Variants in BCAS3 observed in about 807,000 individuals in gnomAD.
The protein encoded by BCAS3 is BCAS3 microtubule associated cell migration factor.
Under a neutral mutation model 116.1 loss-of-function variants are expected in BCAS3, and 53 were observed. The ratio of observed to expected loss-of-function variants is 0.46; its 90% CI spans 0.37 to 0.57. The LOEUF is 0.57. Among genes scored for constraint, BCAS3 ranks in the 20% least tolerant of loss-of-function variants. The pLI, the probability that BCAS3 is intolerant of heterozygous loss-of-function variation, is 0.00. For missense variants in BCAS3, 917 were observed against 1,165.4 expected, an observed-to-expected ratio of 0.79 and a Z score of 3.10; for synonymous variants, 391 against 408.2, an observed-to-expected ratio of 0.96 and a Z score of 0.51.
In BCAS3 at chr17:61,344,133, A is replaced by G. The variant is rs1024250399; in HGVS notation, c.2426-24194A>G. The stretch of plus-strand genomic sequence containing the variant: ...CGGCTAGCCCCCAATCCCAGAGAGC[A>G]TGCAGCTGAGTCTAAGAGAGGCTTC... On this transcript the variant is annotated intron_variant, in intron 22 of 23. Coordinates refer to ENST00000407086, the MANE Select transcript of BCAS3 (RefSeq NM_017679.5). The surrounding 1 kb of genome is among the most constrained non-coding windows in gnomAD (Gnocchi z 4.1). Among the ~76,000 whole-genome samples, 71 of 152,300 alleles carry G rather than the reference A, an allele frequency of 4.7e-4. No individual in the cohort carries two copies. Among genetic ancestry groups the G allele is most frequent in the South Asian group, 2.5e-3 (12 of 4,826 alleles).
Position 61,021,234 on chromosome 17 carries a change from A to G in BCAS3, c.1637+5333A>G, listed in dbSNP as rs932120716. Among the ~76,000 whole-genome samples, 1 of 151,870 alleles carries G rather than the reference A, an allele frequency of 6.6e-6. No individual in the cohort carries two copies. Among genetic ancestry groups the G allele is most frequent in the Admixed American group, 6.6e-5 (1 of 15,240 alleles). On this transcript the variant is annotated intron_variant, in intron 16 of 23. Coordinates refer to ENST00000407086, the MANE Select transcript of BCAS3 (RefSeq NM_017679.5). The surrounding 1 kb of genome is among the most constrained non-coding windows in gnomAD (Gnocchi z 4.6). Reference sequence around the variant, plus strand: ...GCCACCATGCCTGTCTAAGTTTTGTATTTTTTGTAGAGATTGGGTTTCTCT... The same window carrying G: ...GCCACCATGCCTGTCTAAGTTTTGTGTTTTTTGTAGAGATTGGGTTTCTCT...
chr17:60,715,660 G>A (rs2038512769), intron 5 of BCAS3, among the ~76,000 whole-genome samples: 1 of 149,954 alleles, frequency 6.7e-6, no homozygotes. Context: ...GTTAATTTTT[G>A]TATTTTTAGT....
At position 61,282,361 on chromosome 17, in the gene BCAS3, G is replaced by A. The variant is rs578065893; in HGVS notation, c.2426-85966G>A. Among the ~76,000 whole-genome samples, 1 of 152,168 alleles carries A rather than the reference G, an allele frequency of 6.6e-6. No individual in the cohort carries two copies. Among genetic ancestry groups the A allele is most frequent in the Non-Finnish European group, 1.5e-5 (1 of 68,028 alleles). ...GAGCTGAATGAGAAGGGGCAATTGG[G>A]CCTCTGGTGAAAGGTTCTCCCCAAG... On this transcript the variant is annotated intron_variant, in intron 22 of 23. Coordinates refer to ENST00000407086, the MANE Select transcript of BCAS3 (RefSeq NM_017679.5). The surrounding 1 kb of genome is among the most constrained non-coding windows in gnomAD (Gnocchi z 5.9).
At chr17:60,792,834 C>G (rs2046894552) in intron 6 of BCAS3, among the ~76,000 whole-genome samples, 1 of 152,148 alleles carries the variant, frequency 6.6e-6, no homozygotes, top group African/African-American at 2.4e-5. Flanking sequence ...AAGTAAACCC[C>G]TTTTCTTTAG....
chr17:60,969,708 A>G (rs753975090), intron 14 of BCAS3, among the ~76,000 whole-genome samples: 11 of 152,350 alleles, frequency 7.2e-5, no homozygotes, highest in Admixed American at 2.6e-4. Context: ...GATTAAGTAC[A>G]ACAAAAACCA....
In BCAS3 at chr17:61,020,956, A is replaced by T. The variant is rs1322655849; in HGVS notation, c.1637+5055A>T. Among the ~76,000 whole-genome samples, 5 of 152,186 alleles carry T rather than the reference A, an allele frequency of 3.3e-5. No individual in the cohort carries two copies. The highest frequency in any genetic ancestry group is 5.9e-5 in the Non-Finnish European group (4 of 68,014). ...TAGGTGGAGCACTTTTTGTGAAGTA[A>T]ACATGGGATGATTTGCTCTCTCGTA... On this transcript the variant is annotated intron_variant, in intron 16 of 23. Coordinates refer to ENST00000407086, the MANE Select transcript of BCAS3 (RefSeq NM_017679.5). The surrounding 1 kb of genome is among the most constrained non-coding windows in gnomAD (Gnocchi z 4.5).
intron 15 of BCAS3, among the ~76,000 whole-genome samples, chr17:61,006,026 C>T (rs978941565): frequency 2.0e-5 from 3 of 151,766 alleles, no homozygotes; most frequent in African/African-American, 7.3e-5. Flanking sequence ...CAATTCCCAC[C>T]TATGAGTGAG....
intron 23 of BCAS3, among the ~76,000 whole-genome samples, chr17:61,371,158 C>T (rs1484668527): frequency 2.0e-5 from 3 of 152,212 alleles, no homozygotes; most frequent in Non-Finnish European, 2.9e-5. Flanking sequence ...CAACTGAAAA[C>T]TTGCTCTCAT....
intron 5 of BCAS3, chr17:60,727,556 C>G: frequency 8.9e-7 from 1 of 1,122,594 alleles, no homozygotes. Flanking sequence ...TCGCAAAGCT[C>G]TCGCCTGACA....
intron 15 of BCAS3, among the ~76,000 whole-genome samples, chr17:61,002,070 T>C (rs2064279996): frequency 6.6e-6 from 1 of 152,134 alleles, no homozygotes; most frequent in Admixed American, 6.5e-5. Context: ...AAGGTATAGA[T>C]AACGTAGTTT....
intron 13 of BCAS3, among the ~76,000 whole-genome samples, chr17:60,933,158 C>A (rs927867647): frequency 6.6e-6 from 1 of 150,988 alleles, no homozygotes; most frequent in African/African-American, 2.4e-5. Context: ...CAGAGTGAGA[C>A]TCCGTCTCAA....
intron 22 of BCAS3, among the ~76,000 whole-genome samples, chr17:61,201,964 T>C (rs1385390711): frequency 1.3e-5 from 2 of 151,616 alleles, no homozygotes; most frequent in African/African-American, 4.8e-5. Flanking sequence ...TTCACCATGT[T>C]GATGAAGCTG....
intron 22 of BCAS3, among the ~76,000 whole-genome samples, chr17:61,253,581 A>G (rs2048535097): frequency 6.6e-6 from 1 of 151,828 alleles, no homozygotes; most frequent in South Asian, 2.1e-4. Context: ...CGGCCTAGGC[A>G]TGGCGTATGA....
At chr17:60,909,551 A>G (rs886952849) in intron 11 of BCAS3, among the ~76,000 whole-genome samples, 18 of 152,070 alleles carry the variant, frequency 1.2e-4, no homozygotes, top group Non-Finnish European at 1.9e-4. Context: ...TGATGTGTCT[A>G]AGTATTCTAG....
chr17:60,729,417 A>G (rs2040239602), intron 5 of BCAS3, among the ~76,000 whole-genome samples: 1 of 151,374 alleles, frequency 6.6e-6, no homozygotes, highest in Non-Finnish European at 1.5e-5. Flanking sequence ...CCTCCAAAAC[A>G]AAAAGAAATT....
chr17:60,959,187 G>T (rs563069348), intron 14 of BCAS3, among the ~76,000 whole-genome samples: 1 of 152,104 alleles, frequency 6.6e-6, no homozygotes, highest in African/African-American at 2.4e-5. Context: ...CATGTCTGTA[G>T]TCCCACCTCC....
intron 7 of BCAS3, among the ~76,000 whole-genome samples, chr17:60,835,368 T>G (rs999947222): frequency 1.3e-5 from 2 of 152,052 alleles, no homozygotes; most frequent in Admixed American, 1.3e-4. Context: ...TGTTAGTTTT[T>G]TCTTTGGTTA....
At chr17:61,153,186 G>A (rs898665055) in intron 22 of BCAS3, among the ~76,000 whole-genome samples, 3 of 152,138 alleles carry the variant, frequency 2.0e-5, no homozygotes, top group Non-Finnish European at 4.4e-5. Flanking sequence ...CACCTTTTAT[G>A]AGAGTGTTTT....
chr17:60,741,050 C>A (rs188691782), intron 5 of BCAS3, among the ~76,000 whole-genome samples: 1 of 152,196 alleles, frequency 6.6e-6, no homozygotes, highest in African/African-American at 2.4e-5. Flanking sequence ...CACATTGAAC[C>A]TCTAGAAATT....
Sources: allele counts gnomAD v4.1 joint callset (sites outside exome capture counted in the v4.1 genomes callset), GRCh38; gene constraint gnomAD v4.1.1; non-coding constraint Gnocchi (gnomAD v3.1); transcripts MANE v1.5; gene names NCBI Gene and HGNC (gene_info 2026-07-23, HGNC 2026-07-21).